Variants in FAM13C observed in about 807,000 individuals in gnomAD.
FAM13C encodes family with sequence similarity 13 member C, also known as protein FAM13C.
In FAM13C, 37 loss-of-function variants were observed where a neutral mutation model predicts 73.2. That is an observed-to-expected ratio of 0.51 (90% CI 0.39 to 0.67). The LOEUF is 0.67. FAM13C is among the 30% of genes least tolerant of loss of function. FAM13C has a pLI of 0.00. For synonymous variants in FAM13C, 246 were observed against 260.9 expected, an observed-to-expected ratio of 0.94 and a Z score of 0.55; for missense variants, 589 against 715.6, an observed-to-expected ratio of 0.82 and a Z score of 2.02.
chr10:59,254,749 C>T lies in FAM13C; in HGVS notation c.1237-306G>A, dbSNP rs561105866. Reference sequence around the variant, plus strand: ...TCCTGAGTAGCTGGGACTACAGGCACGCACCACCATGCCTGGCTAATTATT... The same window carrying T: ...TCCTGAGTAGCTGGGACTACAGGCATGCACCACCATGCCTGGCTAATTATT... On this transcript the variant is annotated intron_variant, in intron 10 of 13. Transcript: ENST00000618804. 1.4e-3 allele frequency among the ~76,000 whole-genome samples: 215 copies of T among 152,018 alleles called. 10 individuals carry two copies. In the South Asian group the frequency reaches 0.041, roughly 29 times the overall value.
At chr10:59,277,884 ACCCAGCCAC>A (rs1239696654) in intron 6 of FAM13C, among the ~76,000 whole-genome samples, 1 of 152,130 alleles carries the variant, frequency 6.6e-6, no homozygotes, top group Non-Finnish European at 1.5e-5. Flanking sequence ...CCCACTTTCC[ACCCAGCCAC>A]CCTCTACTCA....
chr10:59,352,414 C>T lies in FAM13C; in HGVS notation c.180G>A (p.Pro60=), dbSNP rs756318478. 3 of 1,613,834 alleles carry T rather than the reference C, an allele frequency of 1.9e-6. No individual in the cohort carries two copies. The highest frequency in any genetic ancestry group is 3.3e-5 in the Admixed American group (2 of 60,014). ...TCTGCTGCTGCGGCTCCCAAGAGGGCGGCGCGTGCTCTTCTACCAGAGCCC... is the reference window on the plus strand; with the variant it reads ...TCTGCTGCTGCGGCTCCCAAGAGGGTGGCGCGTGCTCTTCTACCAGAGCCC... ...DAGALVEEHA[P]PSWEPQQQNV... The change falls in exon 3 of 14, where the codon CCG becomes CCA. Residue 60 remains proline, a synonymous_variant. Coordinates refer to ENST00000618804, the MANE Select transcript of FAM13C (RefSeq NM_198215.4).
intron 2 of FAM13C, among the ~76,000 whole-genome samples, chr10:59,355,419 C>T (rs1855576883): frequency 1.3e-5 from 2 of 152,190 alleles, no homozygotes; most frequent in African/African-American, 4.8e-5. Flanking sequence ...AGAAAGGAAA[C>T]ATCAACTTCC....
At chr10:59,313,091 T>G (rs540542705) in intron 4 of FAM13C, among the ~76,000 whole-genome samples, 2 of 152,308 alleles carry the variant, frequency 1.3e-5, no homozygotes, top group East Asian at 3.9e-4. Flanking sequence ...CCTTTCTCCC[T>G]GAAGTCAAAA....
At chr10:59,346,043 G>A (rs1045355618) in intron 3 of FAM13C, among the ~76,000 whole-genome samples, 5 of 152,098 alleles carry the variant, frequency 3.3e-5, no homozygotes, top group Admixed American at 1.3e-4. Context: ...TCTATTCAAG[G>A]TTTATTTTAG....
chr10:59,362,053 C>T (rs1024854230), intron 1 of FAM13C, among the ~76,000 whole-genome samples: 3 of 152,192 alleles, frequency 2.0e-5, no homozygotes, highest in Non-Finnish European at 4.4e-5. Context: ...AGTGTGCACT[C>T]CATGAAAACT....
chr10:59,269,730 G>GGCATCAATT (rs1797372302), intron 7 of FAM13C, among the ~76,000 whole-genome samples, 169 bp downstream of exon 7: 1 of 152,148 alleles, frequency 6.6e-6, no homozygotes, highest in Non-Finnish European at 1.5e-5. Context: ...GGCCTGCAAT[G>GGCATCAATT]GCATCCCCAA....
At chr10:59,360,885 C>T (rs1856315914) in intron 1 of FAM13C, 1 of 324,442 alleles carries the variant, frequency 3.1e-6, no homozygotes, top group Non-Finnish European at 5.8e-6. Flanking sequence ...AAAAAGTCCA[C>T]GTGAAATCTG....
At position 59,246,737 on chromosome 10, in the gene FAM13C, G is replaced by T; in HGVS notation, c.*877C>A. The T allele has an allele frequency of 5.0e-6, 2 of 396,808 alleles. No individual in the cohort carries two copies. 24.6% of individuals were successfully genotyped at this position (396,808 alleles called of 1,614,324 possible). A position where few individuals can be genotyped will look rare whatever the true frequency, so the allele number is the denominator to read the frequency against. ...ATGGGAAATGTTTTGACTTTACAAA[G>T]TATAGATGTTGGAACATTAAGAAAA... On this transcript the variant is annotated 3_prime_UTR_variant, in exon 14 of 14. Transcript: ENST00000618804.
At chr10:59,296,077 A>T (rs1846883354) in intron 5 of FAM13C, among the ~76,000 whole-genome samples, 1 of 152,218 alleles carries the variant, frequency 6.6e-6, no homozygotes, top group South Asian at 2.1e-4. Flanking sequence ...TCTTACAGAA[A>T]TAATACCATT....
At chr10:59,263,801 T>G in intron 9 of FAM13C, 1 of 396,156 alleles carries the variant, frequency 2.5e-6, no homozygotes, top group South Asian at 2.6e-5. Flanking sequence ...TCCAATAACC[T>G]AGGGAGGTTA....
At chr10:59,353,099 G>A (rs1052850851) in intron 2 of FAM13C, among the ~76,000 whole-genome samples, 20 of 152,210 alleles carry the variant, frequency 1.3e-4, no homozygotes, top group African/African-American at 4.8e-4. Flanking sequence ...TGAATGCAAA[G>A]TCAAACATCC....
chr10:59,291,521 C>T lies in FAM13C; in HGVS notation c.508-8074G>A, dbSNP rs964670861. 2.6e-5 allele frequency among the ~76,000 whole-genome samples: 4 copies of T among 152,274 alleles called. No individual in the cohort carries two copies. In the East Asian group the frequency reaches 7.8e-4, roughly 30 times the overall value. ...GAGAAATTCAATGTAGGAGAGCAAG[C>T]TATTCACTTTAAGGAGCCTTCTGTT... is the stretch of plus-strand genomic sequence containing the variant. On this transcript the variant is annotated intron_variant, in intron 5 of 13. Transcript: ENST00000618804.
Position 59,264,126 on chromosome 10 carries a change from T to G in FAM13C, c.983A>C (p.Lys328Thr). The change falls in exon 9 of 14, where the codon AAA (lysine) becomes ACA (threonine). Residue 328 changes from lysine (K) to threonine (T), a missense_variant. Coordinates refer to ENST00000618804, the MANE Select transcript of FAM13C (RefSeq NM_198215.4). ...GDKTSNPEVLKWMNDLAKGRK... is the reference protein window; with the variant it reads ...GDKTSNPEVLTWMNDLAKGRK... ...ACCTTTAGCCAAATCATTCATCCAT[T>G]TCAGGACTTCAGGATTAGAAGTCTT... is the stretch of plus-strand genomic sequence containing the variant. The G allele has an allele frequency of 6.2e-7, 1 of 1,612,974 alleles. No individual in the cohort carries two copies. Among genetic ancestry groups the G allele is most frequent in the South Asian group, 1.1e-5 (1 of 91,026 alleles).
At chr10:59,336,701 C>T (rs1852766135) in intron 3 of FAM13C, among the ~76,000 whole-genome samples, 1 of 152,212 alleles carries the variant, frequency 6.6e-6, no homozygotes, top group Non-Finnish European at 1.5e-5. Context: ...AGTTCAGATG[C>T]TTGGCAGCCA....
At position 59,301,711 on chromosome 10, in the gene FAM13C, G is replaced by T. The variant is rs576010158; in HGVS notation, c.507+1090C>A. Among the ~76,000 whole-genome samples the T allele has an allele frequency of 3.9e-4, 59 of 152,302 alleles. 1 individual carries two copies. The South Asian group carries it at 5.4e-3, about 14-fold the overall frequency. On this transcript the variant is annotated intron_variant, in intron 5 of 13. Transcript: ENST00000618804. ...GCTGCGTTCACTGATTCAGGCTCTTGCCTCTTTTCTCTTAAACTCTTTTTC... is the reference window on the plus strand; with the variant it reads ...GCTGCGTTCACTGATTCAGGCTCTTTCCTCTTTTCTCTTAAACTCTTTTTC...
At chr10:59,327,061 G>C (rs1362307819) in intron 3 of FAM13C, among the ~76,000 whole-genome samples, 1 of 152,120 alleles carries the variant, frequency 6.6e-6, no homozygotes, top group Non-Finnish European at 1.5e-5. Flanking sequence ...AAATGAGAAA[G>C]GTGAAATTTT....
At chr10:59,268,777 G>A in intron 7 of FAM13C, 86 bp from the exon 8 acceptor site, 1 of 1,485,220 alleles carries the variant, frequency 6.7e-7, no homozygotes, top group Non-Finnish European at 9.0e-7. Flanking sequence ...AAAATTCCTG[G>A]ATTGTCAGAG....
intron 10 of FAM13C, among the ~76,000 whole-genome samples, chr10:59,258,945 C>A (rs1215242045): frequency 2.0e-5 from 3 of 152,172 alleles, no homozygotes; most frequent in Non-Finnish European, 4.4e-5. Context: ...TACTCATCCC[C>A]TTGGTAATTT....
Sources: gnomAD v4.1 joint callset for allele counts (sites outside exome capture counted in the v4.1 genomes callset) on GRCh38, gnomAD v4.1.1 for gene constraint, MANE v1.5 for transcripts, NCBI Gene and HGNC (gene_info 2026-07-23, HGNC 2026-07-21) for gene names.